USP14: variants seen among roughly 807,000 people sequenced by gnomAD.
USP14 encodes ubiquitin specific peptidase 14.
USP14 carries 38 observed loss-of-function variants against 76.5 expected under a neutral mutation model. The observed-to-expected ratio is 0.50, with a 90% CI of 0.38 to 0.65. USP14 has a LOEUF of 0.65. USP14 is among the 30% of genes least tolerant of loss of function. The pLI, the probability that USP14 is intolerant of heterozygous loss-of-function variation, is 0.00. For synonymous variants in USP14, 192 were observed against 191.7 expected (o/e 1.00, Z -0.01); for missense variants, 467 against 586.5 (o/e 0.80, Z 2.10).
At chr18:173,154 G>T (rs1194895800) in intron 3 of USP14, among the ~76,000 whole-genome samples, 2 of 151,272 alleles carry the variant, frequency 1.3e-5, no homozygotes, top group Non-Finnish European at 2.9e-5. Flanking sequence ...TGTTGCCCAG[G>T]CTGGAGTGCA....
intron 3 of USP14, among the ~76,000 whole-genome samples, chr18:176,259 A>C (rs1909625447): frequency 1.3e-5 from 2 of 151,726 alleles, no homozygotes; most frequent in African/African-American, 4.8e-5. Flanking sequence ...AAATTTTGAA[A>C]ATTTTTATAT....
In USP14 at chr18:211,420, A is replaced by C. The variant is rs1910666613; in HGVS notation, c.*136A>C. 2.2e-6 allele frequency: 2 copies of C among 902,100 alleles called. No homozygotes were observed. The highest frequency in any genetic ancestry group is 3.1e-5 in the Admixed American group (1 of 32,430). The allele number at this position is 902,100 out of a possible 1,614,324, so 55.9% of individuals were successfully genotyped here. A position where few individuals can be genotyped will look rare whatever the true frequency, so the allele number is the denominator to read the frequency against. ...ATTTGGAACAAAAGAGGACAGAAGC[A>C]GACCACTCTGTGCACCAACCTAAAA... On this transcript the variant is annotated 3_prime_UTR_variant, in exon 16 of 16. Coordinates refer to ENST00000261601, the MANE Select transcript of USP14 (RefSeq NM_005151.4).
intron 5 of USP14, among the ~76,000 whole-genome samples, chr18:191,641 C>T (rs192078862): frequency 3.9e-5 from 6 of 152,260 alleles, no homozygotes; most frequent in Non-Finnish European, 7.4e-5. Flanking sequence ...CATTCTGAAA[C>T]GTAAAATAAA....
Position 203,373 on chromosome 18 carries a change from A to AT in USP14, c.1035+188dup, listed in dbSNP as rs111402610. Reference sequence around the variant, plus strand: ...ATTAGAATTATCTATTGTCTTTTTTATTTTTAACTGTACACACACCTGGCT... The same window carrying AT: ...ATTAGAATTATCTATTGTCTTTTTTATTTTTTAACTGTACACACACCTGGCT... On this transcript the variant is annotated intron_variant, in intron 12 of 15. Coordinates refer to ENST00000261601, the MANE Select transcript of USP14 (RefSeq NM_005151.4). Among the ~76,000 whole-genome samples, 195 of 152,110 alleles carry AT rather than the reference A, an allele frequency of 1.3e-3. 1 individual carries two copies. Among genetic ancestry groups the AT allele is most frequent in the African/African-American group, 4.3e-3 (179 of 41,488 alleles).
chr18:210,096 C>A, intron 14 of USP14, 65 bp downstream of exon 14: 1 of 1,271,046 alleles, frequency 7.9e-7, no homozygotes, highest in Non-Finnish European at 1.1e-6. Flanking sequence ...AAATTTACAT[C>A]TTACCCCATA....
rs1910664011 is a variant in USP14, at chr18:211,310, A to G, written c.*26A>G. On this transcript the variant is annotated 3_prime_UTR_variant, in exon 16 of 16. Coordinates refer to ENST00000261601, the MANE Select transcript of USP14 (RefSeq NM_005151.4). ...TCTTCATTTTAGTATTTATGCTTAG[A>G]TGTGAAAATAAATGTTATTTGTTGA... 2 of 1,581,922 alleles carry G rather than the reference A, an allele frequency of 1.3e-6. No individual in the cohort carries two copies. Among genetic ancestry groups the G allele is most frequent in the South Asian group, 1.1e-5 (1 of 87,666 alleles).
intron 3 of USP14, among the ~76,000 whole-genome samples, chr18:171,025 A>AATATATATATATATATATATATATATAT (rs57888885): frequency 1.7e-4 from 8 of 47,624 alleles, no homozygotes; most frequent in East Asian, 9.2e-4. Flanking sequence ...AAAAAAAAAA[A>AATATATATATATATATATATATATATAT]ATATATATAT....
rs573342825 is a variant in USP14 at position 174,933 on chromosome 18, G to A, written c.196-4000G>A. On this transcript the variant is annotated intron_variant, in intron 3 of 15. Coordinates refer to ENST00000261601, the MANE Select transcript of USP14 (RefSeq NM_005151.4). Reference sequence around the variant, plus strand: ...TGGGACTACAGGAATGTGCCACCACGCCGGACTAATTTTTGTGTTTTTAGT... The same window carrying A: ...TGGGACTACAGGAATGTGCCACCACACCGGACTAATTTTTGTGTTTTTAGT... Among the ~76,000 whole-genome samples the A allele has an allele frequency of 1.5e-4, 23 of 152,080 alleles. No homozygotes were observed. The East Asian group carries it at 2.9e-3, about 19-fold the overall frequency.
intron 3 of USP14, among the ~76,000 whole-genome samples, chr18:172,647 T>C (rs1437778612): frequency 1.3e-5 from 2 of 152,078 alleles, no homozygotes; most frequent in African/African-American, 4.8e-5. Context: ...TCAGTAGTCA[T>C]CAACTTGGAA....
Position 163,289 on chromosome 18 carries a change from A to T in USP14, c.17-19A>T. 6.3e-7 allele frequency: 1 copy of T among 1,578,944 alleles called. No individual in the cohort carries two copies. The highest frequency in any genetic ancestry group is 1.7e-4 in the Middle Eastern group (1 of 6,000). ...GTCTTGTTATTTTTTAATTAAAAAA[A>T]TTGTGATTTTGTTTGCAGTTACTGT... On this transcript the variant is annotated intron_variant, in intron 1 of 15. Coordinates refer to ENST00000261601, the MANE Select transcript of USP14 (RefSeq NM_005151.4).
At chr18:187,277 C>T (rs1909956044) in intron 5 of USP14, among the ~76,000 whole-genome samples, 1 of 151,998 alleles carries the variant, frequency 6.6e-6, no homozygotes, top group African/African-American at 2.4e-5. Context: ...GATTTTCTAA[C>T]TGGGTTTATT....
intron 1 of USP14, 88 bp downstream of exon 1, chr18:158,802 A>G: frequency 7.7e-7 from 1 of 1,295,972 alleles, no homozygotes; most frequent in Non-Finnish European, 9.7e-7. Context: ...GGCACCCGGC[A>G]TGGACTGGGA....
In USP14 at chr18:203,082, C is replaced by A. The variant is rs759433234; in HGVS notation, c.943-16C>A. 6.2e-7 allele frequency: 1 copy of A among 1,611,806 alleles called. No homozygotes were observed. Among genetic ancestry groups the A allele is most frequent in the East Asian group, 2.2e-5 (1 of 44,854 alleles). On this transcript the variant is annotated splice_polypyrimidine_tract_variant and intron_variant, in intron 11 of 15. Transcript: ENST00000261601. ...ATTTTGATGTAATGGGATTTCTTTA[C>A]ATTTTGTCTCCTCAGTCCAAGATCA...
chr18:171,025 A>AATAT (rs57888885), intron 3 of USP14, among the ~76,000 whole-genome samples: 735 of 47,534 alleles, frequency 0.015, 17 homozygotes, highest in East Asian at 0.036. Context: ...AAAAAAAAAA[A>AATAT]ATATATATAT....
At chr18:191,175 G>C (rs984300649) in intron 5 of USP14, among the ~76,000 whole-genome samples, 6 of 152,118 alleles carry the variant, frequency 3.9e-5, no homozygotes, top group Non-Finnish European at 5.9e-5. Flanking sequence ...TTGCTAAAAT[G>C]TCTTAACAGG....
chr18:211,452 AGAG>A lies in USP14; in HGVS notation c.*169_*171del. 1.7e-6 allele frequency: 1 copy of A among 574,360 alleles called. No homozygotes were observed. The allele number at this position is 574,360 out of a possible 1,614,324, so 35.6% of individuals were successfully genotyped here. A position where few individuals can be genotyped will look rare whatever the true frequency, so the allele number is the denominator to read the frequency against. On this transcript the variant is annotated 3_prime_UTR_variant, in exon 16 of 16. Coordinates refer to ENST00000261601, the MANE Select transcript of USP14 (RefSeq NM_005151.4). ...TCTGTGCACCAACCTAAAAAATTAC[AGAG>A]AAGAGAAAATTATCTTTGGATTGTG...
At chr18:194,437 T>C (rs1020464399) in intron 6 of USP14, among the ~76,000 whole-genome samples, 1 of 152,224 alleles carries the variant, frequency 6.6e-6, no homozygotes, top group Non-Finnish European at 1.5e-5. Context: ...AACTTTTTGT[T>C]TTGAAATACA....
intron 3 of USP14, among the ~76,000 whole-genome samples, chr18:167,554 G>A (rs1042549749): frequency 6.6e-6 from 1 of 151,988 alleles, no homozygotes; most frequent in Middle Eastern, 3.4e-3. Context: ...CACGTATGCC[G>A]GAGCACAGTG....
chr18:203,274 A>C, intron 12 of USP14, 84 bp downstream of exon 12: 1 of 1,262,436 alleles, frequency 7.9e-7, no homozygotes. Context: ...TTATTCCTTT[A>C]GGAATAGTTA....
Sources: allele counts gnomAD v4.1 joint callset (sites outside exome capture counted in the v4.1 genomes callset), GRCh38; gene constraint gnomAD v4.1.1; transcripts MANE v1.5; gene names NCBI Gene and HGNC (gene_info 2026-07-23, HGNC 2026-07-21).